The following GAREM1 variants were observed in gnomAD, a reference collection of about 807,000 sequenced individuals.
The protein encoded by GAREM1 is GRB2-associated and regulator of MAPK protein 1.
GAREM1 carries 26 observed loss-of-function variants against 71.3 expected under a neutral mutation model. The observed-to-expected ratio is 0.36, with a 90% confidence interval of 0.27 to 0.51. The LOEUF (loss-of-function observed/expected upper bound fraction) is 0.51, where lower values mean the gene tolerates loss of function less well. GAREM1 is among the 20% of genes least tolerant of loss of function. The pLI is 0.95. For synonymous variants in GAREM1, 440 were observed against 433.2 expected, an observed-to-expected ratio of 1.02 and a Z score of -0.20; for missense variants, 1,026 against 1,103.1, an observed-to-expected ratio of 0.93 and a Z score of 0.99.
chr18:32,310,093 C>T, intron 3 of GAREM1, 100 bp downstream of exon 3: 1 of 1,368,350 alleles, frequency 7.3e-7, no homozygotes, highest in Non-Finnish European at 1.0e-6. Context: ...AGATAAAACC[C>T]TCCTAGGAGA....
At chr18:32,341,957 C>T (rs138586096) in intron 2 of GAREM1, among the ~76,000 whole-genome samples, 64 of 151,770 alleles carry the variant, frequency 4.2e-4, no homozygotes, top group Non-Finnish European at 6.8e-4. Flanking sequence ...TGATGAGGTA[C>T]GTCTGGGAGG....
At chr18:32,435,929 G>T (rs1207609030) in intron 1 of GAREM1, among the ~76,000 whole-genome samples, 2 of 152,162 alleles carry the variant, frequency 1.3e-5, no homozygotes, top group African/African-American at 4.8e-5. Flanking sequence ...TAAAAAAATT[G>T]CACCCAAGGT....
rs117892744 is a variant in GAREM1, at chr18:32,427,742, C to T, written c.122-34707G>A. Among the ~76,000 whole-genome samples the T allele has an allele frequency of 2.1e-4, 32 of 152,256 alleles. No homozygotes were observed. In the East Asian group the frequency reaches 4.4e-3, roughly 21 times the overall value. ...GAGAAAAACTGGCATTAAGCTCAGACAACTAAAATGACTCATGAATATTTC... is the reference window on the plus strand; with the variant it reads ...GAGAAAAACTGGCATTAAGCTCAGATAACTAAAATGACTCATGAATATTTC... On this transcript the variant is annotated intron_variant, in intron 1 of 5. Transcript: ENST00000269209.
At chr18:32,299,535 A>AC (rs2047179681) in intron 3 of GAREM1, among the ~76,000 whole-genome samples, 1 of 149,846 alleles carries the variant, frequency 6.7e-6, no homozygotes, top group Non-Finnish European at 1.5e-5. Context: ...AAAAAAAAAA[A>AC]AGTGGCTATA....
chr18:32,449,070 C>T (rs1863605), intron 1 of GAREM1, among the ~76,000 whole-genome samples: 21,073 of 152,158 alleles, frequency 0.14, 1,809 homozygotes, highest in East Asian at 0.39. Context: ...GAGTTTAAAG[C>T]ACAAGATCTA....
At chr18:32,268,822 A>G (rs2144411008) in intron 5 of GAREM1, 54 bp from the exon 6 acceptor site, 1 of 1,477,264 alleles carries the variant, frequency 6.8e-7, no homozygotes, top group East Asian at 2.3e-5. Flanking sequence ...GCCAAATCCC[A>G]AGGCTTTTGT....
Position 32,329,703 on chromosome 18 carries a change from T to TAAAA in GAREM1, c.263-19384_263-19381dup, listed in dbSNP as rs756082703. ...CCTGGGTGACAGAGCGAGACTCCAT[T>TAAAA]AAAAAAAAAAAAAAAAAAAAAAGAT... On this transcript the variant is annotated intron_variant, in intron 2 of 5. Coordinates refer to ENST00000269209, the MANE Select transcript of GAREM1 (RefSeq NM_001242409.2). Among the ~76,000 whole-genome samples the TAAAA allele has an allele frequency of 2.4e-3, 187 of 78,110 alleles. 4 individuals carry two copies. The highest frequency in any genetic ancestry group is 8.0e-3 in the African/African-American group (141 of 17,688). The allele number at this position is 78,110 out of a possible 152,430, so 51.2% of individuals were successfully genotyped here.
chr18:32,456,268 A>G (rs1031975349), intron 1 of GAREM1, among the ~76,000 whole-genome samples: 2 of 152,288 alleles, frequency 1.3e-5, no homozygotes, highest in African/African-American at 4.8e-5. Context: ...CCAACAACAG[A>G]AAAACCAACA....
intron 1 of GAREM1, among the ~76,000 whole-genome samples, chr18:32,423,256 T>C (rs1373875881): frequency 6.6e-6 from 1 of 152,196 alleles, no homozygotes; most frequent in African/African-American, 2.4e-5. Flanking sequence ...GAAACTGTTA[T>C]GAGGATTAAA....
intron 1 of GAREM1, among the ~76,000 whole-genome samples, chr18:32,427,555 C>T (rs2048587290): frequency 1.3e-5 from 2 of 152,126 alleles, no homozygotes; most frequent in African/African-American, 4.8e-5. Flanking sequence ...GAAGCATCGA[C>T]AGAAAAGCTG....
chr18:32,411,332 C>A (rs760912555), intron 1 of GAREM1, among the ~76,000 whole-genome samples: 1 of 152,108 alleles, frequency 6.6e-6, no homozygotes, highest in African/African-American at 2.4e-5. Context: ...ACAAGTCAAA[C>A]GTTAGGGATT....
At chr18:32,394,806 T>C (rs146784239) in intron 1 of GAREM1, among the ~76,000 whole-genome samples, 4 of 152,324 alleles carry the variant, frequency 2.6e-5, no homozygotes, top group South Asian at 2.1e-4. Context: ...TAGAGTCCCA[T>C]AGACCTGGTC....
chr18:32,343,225 C>G (rs1038394245), intron 2 of GAREM1, among the ~76,000 whole-genome samples: 2 of 150,844 alleles, frequency 1.3e-5, no homozygotes, highest in Admixed American at 1.3e-4. Context: ...AAAAATGATA[C>G]AAACTGGAAA....
At chr18:32,396,275 C>T (rs554920980) in intron 1 of GAREM1, among the ~76,000 whole-genome samples, 6 of 152,308 alleles carry the variant, frequency 3.9e-5, no homozygotes, top group African/African-American at 9.6e-5. Flanking sequence ...TTCAAAGGAA[C>T]GCAGCTCCTC....
At chr18:32,302,548 T>C (rs2047211300) in intron 3 of GAREM1, among the ~76,000 whole-genome samples, 1 of 152,192 alleles carries the variant, frequency 6.6e-6, no homozygotes, top group African/African-American at 2.4e-5. Flanking sequence ...AGGAAAATCG[T>C]GTTATCTGTG....
intron 3 of GAREM1, among the ~76,000 whole-genome samples, chr18:32,301,646 C>T (rs768862944): frequency 5.3e-5 from 8 of 152,202 alleles, no homozygotes; most frequent in Non-Finnish European, 8.8e-5. Flanking sequence ...AATCGTGTTT[C>T]AATCCTTCAT....
At position 32,334,733 on chromosome 18, in the gene GAREM1, C is replaced by T. The variant is rs1412947209; in HGVS notation, c.263-24410G>A. On this transcript the variant is annotated intron_variant, in intron 2 of 5. Coordinates refer to ENST00000269209, the MANE Select transcript of GAREM1 (RefSeq NM_001242409.2). ...AAAATTAAGGATATCCTAATTTTGT[C>T]TACCTCTCTTGAGCTAAACACAGAA... Among the ~76,000 whole-genome samples, 5 of 152,192 alleles carry T rather than the reference C, an allele frequency of 3.3e-5. No homozygotes were observed. The South Asian group carries it at 1.0e-3, about 32-fold the overall frequency.
intron 4 of GAREM1, among the ~76,000 whole-genome samples, chr18:32,274,961 A>G (rs1384313429): frequency 6.7e-6 from 1 of 150,062 alleles, no homozygotes; most frequent in Non-Finnish European, 1.5e-5. Flanking sequence ...AAAAATACAA[A>G]AAAAAAAAAA....
chr18:32,311,524 A>G (rs1567959771), intron 2 of GAREM1, among the ~76,000 whole-genome samples: 2 of 152,174 alleles, frequency 1.3e-5, no homozygotes, highest in African/African-American at 4.8e-5. Flanking sequence ...ATGCTATTAA[A>G]TTTAGGGCAG....
Sources: gnomAD v4.1 joint callset for allele counts (sites outside exome capture counted in the v4.1 genomes callset) on GRCh38, gnomAD v4.1.1 for gene constraint, MANE v1.5 for transcripts, NCBI Gene and HGNC (gene_info 2026-07-23, HGNC 2026-07-21) for gene names.